The following ULK4 variants were observed in gnomAD, a reference collection of about 807,000 sequenced individuals.
ULK4 encodes inactive serine/threonine-protein kinase ULK4.
A neutral mutation model predicts 160.6 loss-of-function variants in ULK4; 133 were observed. The observed-to-expected ratio is 0.83, with a 90% CI of 0.72 to 0.96. The LOEUF is 0.96. Ranked by LOEUF, ULK4 falls within the 40% of genes least tolerant of loss-of-function variation. ULK4 has a pLI of 0.00. For missense variants in ULK4, 1,580 were observed against 1,499.5 expected (o/e 1.05, Z -0.89); for synonymous variants, 534 against 539.8 (o/e 0.99, Z 0.15).
chr3:41,614,089 C>T (rs1038819713), intron 31 of ULK4, among the ~76,000 whole-genome samples: 1 of 152,166 alleles, frequency 6.6e-6, no homozygotes, highest in African/African-American at 2.4e-5. Flanking sequence ...GTTCTGGTAA[C>T]CTACCAAAAG....
At chr3:41,912,941 T>A in intron 8 of ULK4, 42 bp from the exon 9 acceptor site, 1 of 1,595,576 alleles carries the variant, frequency 6.3e-7, no homozygotes, top group South Asian at 1.1e-5. Context: ...TTAACATGAT[T>A]TACCATGAAA....
chr3:41,640,234 C>T (rs10510724), intron 30 of ULK4, among the ~76,000 whole-genome samples: 9,314 of 152,166 alleles, frequency 0.061, 967 homozygotes, highest in African/African-American at 0.21. Flanking sequence ...TGCACTCATA[C>T]ATACAAAACT....
intron 34 of ULK4, among the ~76,000 whole-genome samples, chr3:41,411,420 C>CT (rs556696303): frequency 0.093 from 13,363 of 142,948 alleles, 1,175 homozygotes; most frequent in East Asian, 0.37. Flanking sequence ...ACATTCCTTT[C>CT]TTTTTTTTTT....
At chr3:41,786,365 G>A (rs1341875496) in intron 21 of ULK4, among the ~76,000 whole-genome samples, 3 of 152,086 alleles carry the variant, frequency 2.0e-5, no homozygotes, top group Non-Finnish European at 2.9e-5. Flanking sequence ...ACCTTGGGAG[G>A]CTGCGACGGG....
chr3:41,656,846 C>T (rs1305360924), intron 30 of ULK4, among the ~76,000 whole-genome samples: 1 of 151,890 alleles, frequency 6.6e-6, no homozygotes, highest in South Asian at 2.1e-4. Context: ...TACAGGAAAA[C>T]AGCTAAATTT....
rs1386849359 is a variant in ULK4, at chr3:41,705,138, T to C, written c.2700A>G (p.Ser900=). The change falls in exon 27 of 37, where the codon TCA becomes TCG. Residue 900 remains serine, a synonymous_variant. Transcript: ENST00000301831. ...ACAATGTGATCTTGATAAATTCTTC[T>C]GATGCTGTCAGTCCTAGAAATACAG... The part of the protein sequence containing the change: ...NIDGAIGLTA[S]EEFIKITLSA... 1 of 1,613,706 alleles carries C rather than the reference T, an allele frequency of 6.2e-7. No individual in the cohort carries two copies. The highest frequency in any genetic ancestry group is 1.3e-5 in the African/African-American group (1 of 74,936).
chr3:41,666,352 T>C (rs2035350475), intron 29 of ULK4, among the ~76,000 whole-genome samples: 1 of 152,198 alleles, frequency 6.6e-6, no homozygotes, highest in African/African-American at 2.4e-5. Context: ...ATATTCCAAC[T>C]GCTAGGAAGT....
chr3:41,948,677 T>C (rs1346938542), intron 2 of ULK4, among the ~76,000 whole-genome samples: 1 of 146,688 alleles, frequency 6.8e-6, no homozygotes, highest in African/African-American at 2.5e-5. Flanking sequence ...CGCATGATCA[T>C]CTCAATTAAT....
intron 30 of ULK4, among the ~76,000 whole-genome samples, chr3:41,628,524 G>T (rs1327298138): frequency 2.0e-5 from 3 of 152,122 alleles, no homozygotes; most frequent in Admixed American, 2.0e-4. Flanking sequence ...AACTTAAATG[G>T]AGGAGCATCT....
At chr3:41,442,286 T>C (rs2083190327) in intron 34 of ULK4, among the ~76,000 whole-genome samples, 1 of 152,040 alleles carries the variant, frequency 6.6e-6, no homozygotes, top group Non-Finnish European at 1.5e-5. Flanking sequence ...AAGATAGAAA[T>C]GGGGACTTAA....
At chr3:41,348,261 A>G (rs949886345) in intron 35 of ULK4, among the ~76,000 whole-genome samples, 5 of 151,738 alleles carry the variant, frequency 3.3e-5, no homozygotes, top group African/African-American at 9.7e-5. Flanking sequence ...GGCAAAAAGA[A>G]TAAGATTTCA....
intron 34 of ULK4, among the ~76,000 whole-genome samples, chr3:41,454,180 A>T (rs1056558351): frequency 4.8e-4 from 67 of 139,400 alleles, no homozygotes; most frequent in African/African-American, 2.1e-3. Context: ...GTATAATTAA[A>T]AAAAAAAAAA....
chr3:41,641,012 T>C (rs1045759992), intron 30 of ULK4, among the ~76,000 whole-genome samples: 2 of 152,222 alleles, frequency 1.3e-5, no homozygotes, highest in Non-Finnish European at 2.9e-5. Flanking sequence ...TCAAAGCAAA[T>C]GGTCAAGGCT....
intron 35 of ULK4, among the ~76,000 whole-genome samples, chr3:41,357,542 C>T (rs1406943823): frequency 6.6e-6 from 1 of 152,040 alleles, no homozygotes; most frequent in Admixed American, 6.5e-5. Context: ...ACCAGGATCT[C>T]ACAGTTAAAC....
intron 30 of ULK4, among the ~76,000 whole-genome samples, chr3:41,622,555 C>G (rs1275174882): frequency 6.9e-6 from 1 of 145,390 alleles, no homozygotes. Context: ...TGAGAACACA[C>G]ACATGGACAC....
intron 31 of ULK4, among the ~76,000 whole-genome samples, chr3:41,575,007 T>G (rs2088138200): frequency 6.6e-6 from 1 of 152,102 alleles, no homozygotes; most frequent in Non-Finnish European, 1.5e-5. Flanking sequence ...TTTAAACCCC[T>G]GAAAGGAGGG....
At chr3:41,491,264 T>C (rs1048630061) in intron 32 of ULK4, among the ~76,000 whole-genome samples, 2 of 152,220 alleles carry the variant, frequency 1.3e-5, no homozygotes, top group African/African-American at 4.8e-5. Flanking sequence ...ATAAAATAAA[T>C]AGTCAACATG....
chr3:41,701,362 T>C (rs1167263790), intron 27 of ULK4, among the ~76,000 whole-genome samples: 3 of 152,214 alleles, frequency 2.0e-5, no homozygotes, highest in Non-Finnish European at 2.9e-5. Context: ...AGAGATTTCC[T>C]TCTGAGGAAA....
At chr3:41,930,553 A>G (rs1699556600) in intron 5 of ULK4, among the ~76,000 whole-genome samples, 1 of 152,200 alleles carries the variant, frequency 6.6e-6, no homozygotes, top group African/African-American at 2.4e-5. Flanking sequence ...TGAACAGACA[A>G]CTTACAGAAT....
Sources: gnomAD v4.1 joint callset for allele counts (sites outside exome capture counted in the v4.1 genomes callset) on GRCh38, gnomAD v4.1.1 for gene constraint, MANE v1.5 for transcripts, NCBI Gene and HGNC (gene_info 2026-07-23, HGNC 2026-07-21) for gene names.